The following NRG3 variants were observed in gnomAD, a reference collection of about 807,000 sequenced individuals.
NRG3 encodes the protein pro-neuregulin-3, membrane-bound isoform.
Under a neutral mutation model 66.9 loss-of-function variants are expected in NRG3, and 31 were observed. The ratio of observed to expected loss-of-function variants is 0.46; its 90% confidence interval spans 0.35 to 0.63. The LOEUF (loss-of-function observed/expected upper bound fraction) is 0.63. Ranked by LOEUF, NRG3 falls within the 20% of genes least tolerant of loss-of-function variation. The pLI is 0.00. For synonymous variants in NRG3, 393 were observed against 359.4 expected (o/e 1.09, Z -1.06); for missense variants, 910 against 878.9 (o/e 1.04, Z -0.45).
intron 2 of NRG3, among the ~76,000 whole-genome samples, chr10:82,485,262 A>G (rs1842593271): frequency 6.6e-6 from 1 of 151,996 alleles, no homozygotes; most frequent in African/African-American, 2.4e-5. Flanking sequence ...TTCAAAGATG[A>G]GCTGATTTTT....
intron 2 of NRG3, among the ~76,000 whole-genome samples, chr10:82,408,971 A>T (rs555551938): frequency 3.3e-5 from 5 of 152,184 alleles, no homozygotes; most frequent in Admixed American, 1.3e-4. Flanking sequence ...ATATATCAGC[A>T]TTATGCTTAG....
At chr10:82,334,151 A>G (rs12243418) in intron 1 of NRG3, among the ~76,000 whole-genome samples, 2,250 of 144,644 alleles carry the variant, frequency 0.016, 59 homozygotes, top group African/African-American at 0.055. Flanking sequence ...AAAAAAAAAA[A>G]AAAAGAAAAG....
intron 2 of NRG3, among the ~76,000 whole-genome samples, chr10:82,616,668 G>C (rs145451838): frequency 6.6e-6 from 1 of 152,030 alleles, no homozygotes; most frequent in African/African-American, 2.4e-5. Context: ...TTTTATTGTT[G>C]TACTGTATTT....
At chr10:82,578,847 G>C (rs966553767) in intron 2 of NRG3, among the ~76,000 whole-genome samples, 1 of 151,788 alleles carries the variant, frequency 6.6e-6, no homozygotes, top group African/African-American at 2.4e-5. Context: ...GAAGATTTTC[G>C]AAGGTCAATA....
At chr10:82,253,542 A>G (rs190825206) in intron 1 of NRG3, among the ~76,000 whole-genome samples, 19 of 152,126 alleles carry the variant, frequency 1.2e-4, no homozygotes, top group African/African-American at 4.1e-4. Context: ...CTCTTCTCCA[A>G]TCCTTCCGTT....
chr10:82,882,027 C>T (rs1358249137), intron 4 of NRG3, among the ~76,000 whole-genome samples: 1 of 152,168 alleles, frequency 6.6e-6, no homozygotes, highest in African/African-American at 2.4e-5. Flanking sequence ...CTCATCTCAT[C>T]TACTCATGCC....
At chr10:82,548,844 G>A (rs1236961945) in intron 2 of NRG3, among the ~76,000 whole-genome samples, 2 of 152,162 alleles carry the variant, frequency 1.3e-5, no homozygotes, top group Non-Finnish European at 2.9e-5. Flanking sequence ...AAGAAGCAAT[G>A]GTCTGGAATC....
chr10:82,465,615 T>C (rs1162670166), intron 2 of NRG3, among the ~76,000 whole-genome samples: 1 of 152,052 alleles, frequency 6.6e-6, no homozygotes, highest in Non-Finnish European at 1.5e-5. Flanking sequence ...AGCAGTTAAA[T>C]GGTTCTGGGA....
chr10:82,770,170 A>C (rs2135162918), intron 3 of NRG3, among the ~76,000 whole-genome samples: 2 of 152,296 alleles, frequency 1.3e-5, no homozygotes, highest in South Asian at 4.1e-4. Context: ...ATGAAAATGA[A>C]ATAGCAGCAT....
At chr10:82,536,092 A>C (rs1847787836) in intron 2 of NRG3, among the ~76,000 whole-genome samples, 1 of 152,164 alleles carries the variant, frequency 6.6e-6, no homozygotes, top group African/African-American at 2.4e-5. Context: ...TTTGTCCCAG[A>C]GTCTCCTGTG....
At chr10:82,974,447 T>A (rs1852057420) in intron 7 of NRG3, among the ~76,000 whole-genome samples, 1 of 152,330 alleles carries the variant, frequency 6.6e-6, no homozygotes, top group Middle Eastern at 3.4e-3. Flanking sequence ...AAAAACATAG[T>A]TATTTGACAC....
chr10:82,303,597 C>T (rs919499679), intron 1 of NRG3, among the ~76,000 whole-genome samples: 7 of 152,072 alleles, frequency 4.6e-5, no homozygotes, highest in Non-Finnish European at 1.0e-4. Context: ...GTGCTGGGCA[C>T]GGTGGCTCAC....
At chr10:82,477,059 C>G (rs1183408698) in intron 2 of NRG3, among the ~76,000 whole-genome samples, 1 of 152,036 alleles carries the variant, frequency 6.6e-6, no homozygotes, top group Admixed American at 6.5e-5. Context: ...AGTATAAAAC[C>G]ACATGTGAAC....
intron 1 of NRG3, among the ~76,000 whole-genome samples, chr10:82,291,546 C>G (rs1280671698): frequency 2.0e-5 from 3 of 152,124 alleles, no homozygotes; most frequent in Non-Finnish European, 2.9e-5. Context: ...GGAAGAATTA[C>G]TTTGCTGAAT....
At chr10:82,938,522 A>T (rs114133089) in intron 4 of NRG3, among the ~76,000 whole-genome samples, 84 of 152,356 alleles carry the variant, frequency 5.5e-4, no homozygotes, top group African/African-American at 2.0e-3. Flanking sequence ...CTGCGCACCT[A>T]TGCAAAGAGC....
rs141090648 is a variant in NRG3 at position 82,717,118 on chromosome 10, G to A, written c.954-21459G>A. 2.5e-3 allele frequency among the ~76,000 whole-genome samples: 376 copies of A among 152,142 alleles called. 2 individuals are homozygous for A. The highest frequency in any genetic ancestry group is 8.7e-3 in the African/African-American group (361 of 41,482). ...AAAGACACCGAATGATAGAGTGGCA[G>A]TAATCAAAATAAAGAAAAAAATACA... On this transcript the variant is annotated intron_variant, in intron 2 of 8. Transcript: ENST00000372141.
intron 3 of NRG3, among the ~76,000 whole-genome samples, chr10:82,776,912 G>T (rs2135233409): frequency 6.6e-6 from 1 of 152,070 alleles, no homozygotes; most frequent in South Asian, 2.1e-4. Flanking sequence ...CAGGCAATTT[G>T]TAATTTTCAT....
chr10:82,686,381 T>C (rs1440177758), intron 2 of NRG3, among the ~76,000 whole-genome samples: 1 of 151,670 alleles, frequency 6.6e-6, no homozygotes, highest in African/African-American at 2.4e-5. Context: ...AGAGATGGGG[T>C]TTTGCCATGT....
chr10:82,168,472 T>A (rs369642016), intron 1 of NRG3, among the ~76,000 whole-genome samples: 79 of 152,158 alleles, frequency 5.2e-4, no homozygotes, highest in African/African-American at 1.7e-3. Flanking sequence ...GAGAGATAGA[T>A]GAGGAAAGAA....
Sources: gnomAD v4.1 joint callset for allele counts (sites outside exome capture counted in the v4.1 genomes callset) on GRCh38, gnomAD v4.1.1 for gene constraint, MANE v1.5 for transcripts, NCBI Gene and HGNC (gene_info 2026-07-23, HGNC 2026-07-21) for gene names.